Variants in EPHA6 observed in about 807,000 individuals in gnomAD.
The protein encoded by EPHA6 is ephrin type-A receptor 6.
In EPHA6, 50 loss-of-function variants were observed where a neutral mutation model predicts 112.0. That is an observed-to-expected ratio of 0.45 (90% CI 0.36 to 0.56). EPHA6 has a LOEUF of 0.56. Among genes scored for constraint, EPHA6 ranks in the 20% least tolerant of loss-of-function variants. EPHA6 has a pLI of 0.00. For synonymous variants in EPHA6, 529 were observed against 490.7 expected (o/e 1.08, Z -1.03); for missense variants, 1,280 against 1,417.4 (o/e 0.90, Z 1.56).
intron 3 of EPHA6, among the ~76,000 whole-genome samples, chr3:97,204,565 A>G (rs1229388302): frequency 6.6e-6 from 1 of 152,102 alleles, no homozygotes; most frequent in Non-Finnish European, 1.5e-5. Flanking sequence ...CCTAAATGCT[A>G]TATTATATCT....
At chr3:96,959,975 G>A (rs1202547621) in intron 2 of EPHA6, among the ~76,000 whole-genome samples, 1 of 151,988 alleles carries the variant, frequency 6.6e-6, no homozygotes, top group Admixed American at 6.6e-5. Context: ...GTGCCAAAAA[G>A]TTAAAATAAC....
At chr3:97,402,722 G>A (rs1378255554) in intron 5 of EPHA6, among the ~76,000 whole-genome samples, 1 of 152,024 alleles carries the variant, frequency 6.6e-6, no homozygotes, top group Non-Finnish European at 1.5e-5. Context: ...AGTGACTTCT[G>A]TAATTCTCTC....
chr3:97,245,895 T>G (rs2078975051), intron 5 of EPHA6, among the ~76,000 whole-genome samples: 1 of 151,944 alleles, frequency 6.6e-6, no homozygotes, highest in South Asian at 2.1e-4. Context: ...GTCAATTTCC[T>G]AGTGTTCCAT....
At chr3:97,716,437 G>A (rs911679679) in intron 14 of EPHA6, among the ~76,000 whole-genome samples, 2 of 141,010 alleles carry the variant, frequency 1.4e-5, no homozygotes, top group South Asian at 2.2e-4. Context: ...GCGCGGTGGC[G>A]GGCGCCTGTA....
chr3:97,241,112 GTTCCTTTA>G (rs1235740986), intron 4 of EPHA6, among the ~76,000 whole-genome samples: 1 of 151,280 alleles, frequency 6.6e-6, no homozygotes, highest in Non-Finnish European at 1.5e-5. Context: ...GTAGAGCACT[GTTCCTTTA>G]TTCTTTAAAG....
intron 8 of EPHA6, among the ~76,000 whole-genome samples, chr3:97,476,811 T>C (rs2091381305): frequency 6.6e-6 from 1 of 152,070 alleles, no homozygotes; most frequent in South Asian, 2.1e-4. Context: ...TGAAATTAAG[T>C]GGAAAGAAGG....
chr3:97,671,107 C>A (rs1448085218), intron 14 of EPHA6, among the ~76,000 whole-genome samples: 1 of 152,104 alleles, frequency 6.6e-6, no homozygotes, highest in African/African-American at 2.4e-5. Flanking sequence ...TCTCGGTTAT[C>A]CCTTCTGTAA....
rs10557927 is a variant in EPHA6, at chr3:97,213,997, CTGTGTGTG to C, written c.1115-12232_1115-12225del. On this transcript the variant is annotated intron_variant, in intron 3 of 17. Transcript: ENST00000389672. ...TTATCTAATCATAATCTCATGTGTT[CTGTGTGTG>C]TGTGTGTGTGTGTGTGTGTGTGTGT... 1.2e-3 allele frequency among the ~76,000 whole-genome samples: 156 copies of C among 128,934 alleles called. 1 individual carries two copies. The highest frequency in any genetic ancestry group is 3.7e-3 in the Middle Eastern group (1 of 270). 84.6% of individuals were successfully genotyped at this position (128,934 alleles called of 152,430 possible).
chr3:97,716,574 CAAAAAAAAAA>C lies in EPHA6; in HGVS notation c.2785-3672_2785-3663del, dbSNP rs1218426459. On this transcript the variant is annotated intron_variant, in intron 14 of 17. Coordinates refer to ENST00000389672, the MANE Select transcript of EPHA6 (RefSeq NM_001080448.3). The stretch of plus-strand genomic sequence containing the variant: ...CGGGCGACAGAGCGAGACTCCGTCT[CAAAAAAAAAA>C]AAAAAAAAAAAAAAGAAAAGACCCA... Among the ~76,000 whole-genome samples the C allele has an allele frequency of 1.3e-4, 5 of 37,272 alleles. No homozygotes were observed. The East Asian group carries it at 1.9e-3, about 14-fold the overall frequency. 24.5% of individuals were successfully genotyped at this position (37,272 alleles called of 152,430 possible).
At chr3:96,941,427 C>T (rs1001900888) in intron 2 of EPHA6, among the ~76,000 whole-genome samples, 4 of 152,206 alleles carry the variant, frequency 2.6e-5, no homozygotes, top group Non-Finnish European at 4.4e-5. Context: ...ACGTAGTTCT[C>T]GAGCCTTGGC....
At chr3:97,518,813 A>G (rs920088381) in intron 10 of EPHA6, among the ~76,000 whole-genome samples, 2 of 151,942 alleles carry the variant, frequency 1.3e-5, no homozygotes, top group African/African-American at 4.8e-5. Context: ...TCCTTTGCCC[A>G]CTTTTTAATA....
chr3:97,161,006 G>T (rs2076401848), intron 3 of EPHA6, among the ~76,000 whole-genome samples: 2 of 152,142 alleles, frequency 1.3e-5, no homozygotes, highest in Non-Finnish European at 2.9e-5. Context: ...GCAGGAGTGG[G>T]GATCATGGGT....
intron 3 of EPHA6, among the ~76,000 whole-genome samples, chr3:97,069,463 T>C (rs2108153254): frequency 6.6e-6 from 1 of 152,292 alleles, no homozygotes; most frequent in East Asian, 1.9e-4. Context: ...AAGGGCCAAC[T>C]GTATTCTTTA....
intron 11 of EPHA6, among the ~76,000 whole-genome samples, chr3:97,588,133 G>C (rs1426286552): frequency 6.6e-6 from 1 of 152,034 alleles, no homozygotes; most frequent in Non-Finnish European, 1.5e-5. Context: ...TAAAGGATGA[G>C]GAAAAGCATA....
At chr3:97,507,430 T>G in intron 10 of EPHA6, among the ~76,000 whole-genome samples, 1 of 152,196 alleles carries the variant, frequency 6.6e-6, no homozygotes, top group Admixed American at 6.5e-5. Flanking sequence ...TTCTTGTGGT[T>G]TTTGTCATTG....
chr3:97,015,793 C>T (rs1398490716), intron 3 of EPHA6, among the ~76,000 whole-genome samples: 1 of 151,940 alleles, frequency 6.6e-6, no homozygotes, highest in South Asian at 2.1e-4. Flanking sequence ...ACTCTGAGAG[C>T]GTTATCAAGT....
chr3:96,911,113 T>C (rs1004453555), intron 2 of EPHA6, among the ~76,000 whole-genome samples: 8 of 152,098 alleles, frequency 5.3e-5, no homozygotes, highest in African/African-American at 1.9e-4. Flanking sequence ...ATTAGCCTTA[T>C]AAACATTCAA....
rs374736794 is a variant in EPHA6, at chr3:97,397,615, GT to G, written c.1607-7533del. ...TGTGTGCTTAATATATATTGATTCAGTTCTTACATAGTATGTCTCAGAATAT... is the reference window on the plus strand; with the variant it reads ...TGTGTGCTTAATATATATTGATTCAGTCTTACATAGTATGTCTCAGAATAT... On this transcript the variant is annotated intron_variant, in intron 5 of 17. Transcript: ENST00000389672. Among the ~76,000 whole-genome samples, 419 of 151,524 alleles carry G rather than the reference GT, an allele frequency of 2.8e-3. 3 individuals carry two copies. The highest frequency in any genetic ancestry group is 9.2e-3 in the African/African-American group (380 of 41,430).
At chr3:96,887,975 T>G (rs1157322007) in intron 2 of EPHA6, among the ~76,000 whole-genome samples, 2 of 151,962 alleles carry the variant, frequency 1.3e-5, no homozygotes, top group African/African-American at 2.4e-5. Context: ...TGTTTCTAGG[T>G]GGAGAGTGAT....
Sources: gnomAD v4.1 joint callset for allele counts (sites outside exome capture counted in the v4.1 genomes callset) on GRCh38, gnomAD v4.1.1 for gene constraint, MANE v1.5 for transcripts, NCBI Gene and HGNC (gene_info 2026-07-23, HGNC 2026-07-21) for gene names.